Variants in CCNB3 observed in about 807,000 individuals in gnomAD.
CCNB3 encodes the protein cyclin B3.
CCNB3 carries 12 observed loss-of-function variants against 68.0 expected under a neutral mutation model. The observed-to-expected ratio is 0.18, with a 90% CI of 0.11 to 0.29. The LOEUF is 0.29. Among genes scored for constraint, CCNB3 ranks in the 10% least tolerant of loss-of-function variants. The pLI is 1.00. For missense variants in CCNB3, 904 were observed against 993.1 expected (o/e 0.91, Z 1.21); for synonymous variants, 354 against 388.9 (o/e 0.91, Z 1.06).
At chrX:50,340,451 G>A (rs1216348723) in intron 8 of CCNB3, among the ~76,000 whole-genome samples, 1 of 112,398 alleles carries the variant, frequency 8.9e-6, no homozygotes, top group South Asian at 3.7e-4. Flanking sequence ...GAACCCAAGA[G>A]GTTGTGAGGA....
chrX:50,228,065 AAT>A (rs1292296018), intron 1 of CCNB3, among the ~76,000 whole-genome samples: 34 of 88,578 alleles, frequency 3.8e-4, no homozygotes, highest in Non-Finnish European at 6.7e-4. Context: ...ATATGGAGAG[AAT>A]ATATATATAA....
chrX:50,279,999 CATAGAATATATAAATAT>C (rs1272564056), intron 1 of CCNB3, among the ~76,000 whole-genome samples: 2 of 62,346 alleles, frequency 3.2e-5, no homozygotes, highest in South Asian at 7.4e-4. Flanking sequence ...TGAATATATA[CATAGAATATATAAATAT>C]ATAGAATATA....
At chrX:50,220,380 T>C (rs1279619155) in intron 1 of CCNB3, among the ~76,000 whole-genome samples, 1 of 111,958 alleles carries the variant, frequency 8.9e-6, no homozygotes, top group Non-Finnish European at 1.9e-5. Flanking sequence ...CTTTTGCCCA[T>C]TCAGTATGAT....
intron 9 of CCNB3, among the ~76,000 whole-genome samples, chrX:50,343,904 A>G (rs1557219950): frequency 8.9e-6 from 1 of 112,012 alleles, no homozygotes; most frequent in African/African-American, 3.2e-5. Flanking sequence ...AGTGTCGCCT[A>G]ATTGTACAGG....
chrX:50,298,310 A>G (rs1169331003), intron 5 of CCNB3, among the ~76,000 whole-genome samples: 3 of 111,797 alleles, frequency 2.7e-5, no homozygotes, highest in Non-Finnish European at 5.6e-5. Flanking sequence ...CGTCCCATCA[A>G]TACCTAATTT....
In CCNB3 at chrX:50,310,723, A is replaced by G. The variant is rs1557214681; in HGVS notation, c.2554A>G (p.Thr852Ala). 8.3e-7 allele frequency: 1 copy of G among 1,209,641 alleles called. No homozygotes were observed. The highest frequency in any genetic ancestry group is 1.8e-5 in the South Asian group (1 of 56,637). The change falls in exon 6 of 13, where the codon ACA becomes GCA. Residue 852 changes from threonine (T) to alanine (A), a missense_variant. Transcript: ENST00000376042. ...TGTCCTCAAGGAGCCCAGTGTTGAC[A>G]CAGAAGCTCACTTTAAGGAAACTTT... ...EAVLKEPSVD[T>A]EAHFKETLAL...
At chrX:50,330,015 C>T (rs993452277) in intron 8 of CCNB3, among the ~76,000 whole-genome samples, 1 of 111,670 alleles carries the variant, frequency 9.0e-6, no homozygotes, top group Non-Finnish European at 1.9e-5. Flanking sequence ...CAGGACGAGT[C>T]GCAGACAAGA....
intron 8 of CCNB3, among the ~76,000 whole-genome samples, chrX:50,338,295 A>C (rs1300431052): frequency 8.9e-6 from 1 of 112,212 alleles, no homozygotes; most frequent in African/African-American, 3.2e-5. Flanking sequence ...CCTCTCAGAC[A>C]CCGAGTTGTG....
At chrX:50,341,943 A>G (rs935400997) in intron 8 of CCNB3, 1 of 301,482 alleles carries the variant, frequency 3.3e-6, no homozygotes, top group Non-Finnish European at 5.8e-6. Context: ...AGGCTCTCAT[A>G]GAGAAGGCAG....
chrX:50,283,400 G>A (rs1936176551), intron 1 of CCNB3, among the ~76,000 whole-genome samples: 1 of 111,765 alleles, frequency 8.9e-6, no homozygotes, highest in African/African-American at 3.2e-5. Flanking sequence ...ATCTGAGACT[G>A]TAAAATAGAA....
Position 50,285,247 on chromosome X carries a change from C to A in CCNB3, c.84C>A (p.Asp28Glu). Residue 28 changes from aspartate (D) to glutamate (E), a missense_variant, in exon 3 of 13, where the codon GAC becomes GAA. Asp to Glu is a conservative substitution (Grantham distance 45). Transcript: ENST00000376042. Reference sequence around the variant, plus strand: ...GCAAAATTGTGCCCAGTCATCATGACCCATCTGAAAAGGTTAGAGCAAGCT... The same window carrying A: ...GCAAAATTGTGCCCAGTCATCATGAACCATCTGAAAAGGTTAGAGCAAGCT... ...QSSKIVPSHHDPSEKTGENCQ... is the reference protein window; with the variant it reads ...QSSKIVPSHHEPSEKTGENCQ... 8.3e-7 allele frequency: 1 copy of A among 1,204,808 alleles called. No individual in the cohort carries two copies. Among genetic ancestry groups the A allele is most frequent in the Non-Finnish European group, 1.1e-6 (1 of 889,351 alleles).
intron 1 of CCNB3, among the ~76,000 whole-genome samples, chrX:50,280,682 T>A (rs1717531344): frequency 9.0e-6 from 1 of 110,550 alleles, no homozygotes; most frequent in African/African-American, 3.3e-5. Context: ...TATTAATGTT[T>A]TAATAGGCCC....
At chrX:50,344,185 C>T (rs1438260056) in intron 9 of CCNB3, among the ~76,000 whole-genome samples, 1 of 112,340 alleles carries the variant, frequency 8.9e-6, no homozygotes, top group Non-Finnish European at 1.9e-5. Flanking sequence ...GAGCAATAGG[C>T]TATATACCAT....
chrX:50,305,474 G>A (rs1438557232), intron 5 of CCNB3, among the ~76,000 whole-genome samples: 1 of 110,639 alleles, frequency 9.0e-6, no homozygotes, highest in Non-Finnish European at 1.9e-5. Context: ...ATGGACACAG[G>A]AAGGGGAACA....
Position 50,311,321 on chromosome X carries a change from C to T in CCNB3, c.3152C>T (p.Pro1051Leu). 1 of 1,211,436 alleles carries T rather than the reference C, an allele frequency of 8.3e-7. No individual in the cohort carries two copies. Among genetic ancestry groups the T allele is most frequent in the Non-Finnish European group, 1.1e-6 (1 of 895,450 alleles). Residue 1051 changes from proline (P) to leucine (L), a missense_variant, in exon 6 of 13, where the codon CCC becomes CTC. Pro to Leu is a moderately conservative substitution (Grantham distance 98). Around this residue, in one of 2 missense-constraint regions of CCNB3, gnomAD observed 285 missense variants for 383.4 expected, o/e 0.74. Transcript: ENST00000376042. ...ACCTTTCTGGAAACATTCTTGATCC[C>T]CCAAATTGGAACCAGCCCATATGTG... Reference protein sequence around the residue: ...EDTFLETFLIPQIGTSPYVFS... With the variant: ...EDTFLETFLILQIGTSPYVFS...
intron 1 of CCNB3, among the ~76,000 whole-genome samples, chrX:50,279,907 A>G (rs1471487972): frequency 9.9e-4 from 86 of 87,280 alleles, no homozygotes; most frequent in African/African-American, 3.7e-3. Context: ...TAGTGTATAT[A>G]TATAAAAATA....
Position 50,309,452 on chromosome X carries a change from A to C in CCNB3, c.1283A>C (p.Lys428Thr). The part of the protein sequence containing the change: ...LSIKEKPSTE[K>T]ESFSQEPSAL... ...ATTAAAGAAAAGCCATCTACTGAGA[A>C]GGAGTCCTTTTCCCAGGAACCATCT... The change falls in exon 6 of 13, where the codon AAG (lysine) becomes ACG (threonine). Residue 428 changes from lysine (K) to threonine (T), a missense_variant. By Grantham distance (78) the Lys-to-Thr change is moderately conservative. This residue lies in a region of CCNB3 where 619 missense variants were observed against 609.8 expected (regional missense o/e 1.02). Transcript: ENST00000376042. 1.7e-6 allele frequency: 2 copies of C among 1,211,632 alleles called. No homozygotes were observed. Among genetic ancestry groups the C allele is most frequent in the Non-Finnish European group, 2.2e-6 (2 of 895,288 alleles).
intron 5 of CCNB3, among the ~76,000 whole-genome samples, chrX:50,305,451 A>C (rs1557213392): frequency 9.0e-6 from 1 of 111,042 alleles, no homozygotes; most frequent in African/African-American, 3.3e-5. Context: ...TGGGAATTGA[A>C]CAATGAAAAC....
At chrX:50,226,590 A>G in intron 1 of CCNB3, among the ~76,000 whole-genome samples, 1 of 72,476 alleles carries the variant, frequency 1.4e-5, no homozygotes, top group East Asian at 4.0e-4. Flanking sequence ...ACATACAAAT[A>G]TATATATAGA....
Sources: allele counts gnomAD v4.1 joint callset (sites outside exome capture counted in the v4.1 genomes callset), GRCh38; gene constraint gnomAD v4.1.1; regional missense constraint gnomAD v4.1.1; transcripts MANE v1.5; gene names NCBI Gene and HGNC (gene_info 2026-07-23, HGNC 2026-07-21).